PTPN12: variants seen among roughly 807,000 people sequenced by gnomAD.
PTPN12 encodes the protein tyrosine-protein phosphatase non-receptor type 12.
A neutral mutation model predicts 97.6 loss-of-function variants in PTPN12; 29 were observed. The observed-to-expected ratio is 0.30, with a 90% confidence interval of 0.22 to 0.41. The LOEUF (loss-of-function observed/expected upper bound fraction) is 0.41, where lower values mean the gene tolerates loss of function less well. PTPN12 is among the 10% of genes least tolerant of loss of function. PTPN12 has a pLI of 1.00. For missense variants in PTPN12, 819 were observed against 926.0 expected, an observed-to-expected ratio of 0.88 and a Z score of 1.50; for synonymous variants, 327 against 300.4, an observed-to-expected ratio of 1.09 and a Z score of -0.91.
At chr7:77,569,023 C>A (rs1808368010) in intron 1 of PTPN12, among the ~76,000 whole-genome samples, 1 of 152,094 alleles carries the variant, frequency 6.6e-6, no homozygotes, top group African/African-American at 2.4e-5. Context: ...ATCTTTTCTA[C>A]TGTCCTTTTT....
At chr7:77,564,348 C>T (rs1808136037) in intron 1 of PTPN12, among the ~76,000 whole-genome samples, 2 of 152,210 alleles carry the variant, frequency 1.3e-5, no homozygotes, top group Middle Eastern at 3.4e-3. Context: ...GGTTATCATG[C>T]AGTTTGTAGG....
At chr7:77,619,975 C>T (rs1788877237) in intron 12 of PTPN12, among the ~76,000 whole-genome samples, 1 of 152,202 alleles carries the variant, frequency 6.6e-6, no homozygotes, top group African/African-American at 2.4e-5. Context: ...TTTTAGCCGT[C>T]TGTGGAAGGT....
At chr7:77,564,424 A>G (rs1203019270) in intron 1 of PTPN12, among the ~76,000 whole-genome samples, 1 of 152,142 alleles carries the variant, frequency 6.6e-6, no homozygotes, top group Non-Finnish European at 1.5e-5. Context: ...TTTCAAATAT[A>G]AAGCCAGATG....
chr7:77,561,780 TTAATTTTATTTA>T (rs1175305565), intron 1 of PTPN12, among the ~76,000 whole-genome samples: 1 of 151,452 alleles, frequency 6.6e-6, no homozygotes, highest in Non-Finnish European at 1.5e-5. Flanking sequence ...AATTAATTAA[TTAATTTTATTTA>T]TTTATTTATT....
At chr7:77,607,801 T>A (rs1454701673) in intron 9 of PTPN12, among the ~76,000 whole-genome samples, 1 of 151,768 alleles carries the variant, frequency 6.6e-6, no homozygotes, top group South Asian at 2.1e-4. Context: ...TTGCCCAGGC[T>A]GGAGTGCGAT....
At chr7:77,552,679 C>T (rs976149593) in intron 1 of PTPN12, among the ~76,000 whole-genome samples, 2 of 151,982 alleles carry the variant, frequency 1.3e-5, no homozygotes, top group Non-Finnish European at 2.9e-5. Flanking sequence ...TAAAAATAGG[C>T]AGGGAAGAAA....
intron 8 of PTPN12, among the ~76,000 whole-genome samples, chr7:77,604,547 A>T (rs1788298238): frequency 6.6e-6 from 1 of 151,902 alleles, no homozygotes; most frequent in African/African-American, 2.4e-5. Context: ...TGCTTTATAT[A>T]TTGAGGACAT....
chr7:77,594,377 T>C (rs118153815), intron 6 of PTPN12, among the ~76,000 whole-genome samples: 2,786 of 152,304 alleles, frequency 0.018, 33 homozygotes, highest in Middle Eastern at 0.071. Flanking sequence ...CACTGTCTAC[T>C]TCAGTGGGGA....
intron 1 of PTPN12, chr7:77,538,097 G>C (rs1806752317): frequency 4.0e-6 from 4 of 990,964 alleles, no homozygotes; most frequent in Non-Finnish European, 3.6e-6. Context: ...AGAGGAACGG[G>C]GGTATTGAGG....
At chr7:77,613,962 G>T (rs967225309) in intron 11 of PTPN12, among the ~76,000 whole-genome samples, 1 of 152,100 alleles carries the variant, frequency 6.6e-6, no homozygotes, top group Non-Finnish European at 1.5e-5. Flanking sequence ...AACAATCAGG[G>T]CTCACTGCGC....
intron 2 of PTPN12, among the ~76,000 whole-genome samples, chr7:77,572,521 T>A (rs1021455151): frequency 1.3e-5 from 2 of 150,148 alleles, no homozygotes; most frequent in South Asian, 4.2e-4. Flanking sequence ...CTTCTTTGCC[T>A]CAATTTAATC....
At chr7:77,539,615 T>C (rs1415868945) in intron 1 of PTPN12, among the ~76,000 whole-genome samples, 1 of 152,072 alleles carries the variant, frequency 6.6e-6, no homozygotes. Context: ...GTTGTTTGGT[T>C]GGTTGGTTGG....
intron 5 of PTPN12, among the ~76,000 whole-genome samples, chr7:77,585,894 G>A (rs1035344079): frequency 5.3e-5 from 8 of 152,088 alleles, no homozygotes; most frequent in Admixed American, 6.6e-5. Context: ...TATTTATACT[G>A]TATTATAGTC....
intron 1 of PTPN12, among the ~76,000 whole-genome samples, chr7:77,557,808 A>G (rs1186833770): frequency 6.6e-6 from 1 of 152,262 alleles, no homozygotes; most frequent in Non-Finnish European, 1.5e-5. Flanking sequence ...ACAGGAAAAA[A>G]ATAATCAACC....
At chr7:77,555,088 TATG>T (rs1436928983) in intron 1 of PTPN12, among the ~76,000 whole-genome samples, 8 of 152,182 alleles carry the variant, frequency 5.3e-5, no homozygotes, top group Non-Finnish European at 1.0e-4. Flanking sequence ...TTCTTCTCAA[TATG>T]ATATTTTGTC....
intron 2 of PTPN12, among the ~76,000 whole-genome samples, chr7:77,573,114 C>A (rs1359861144): frequency 5.6e-4 from 62 of 110,046 alleles, no homozygotes; most frequent in East Asian, 1.8e-3. Flanking sequence ...ACAAAAAAAA[C>A]CAGTGTACCT....
At chr7:77,565,292 C>T (rs1045186907) in intron 1 of PTPN12, among the ~76,000 whole-genome samples, 1 of 152,166 alleles carries the variant, frequency 6.6e-6, no homozygotes. Context: ...ATTAATTTAA[C>T]GCTTGTCTGT....
intron 1 of PTPN12, among the ~76,000 whole-genome samples, chr7:77,566,159 T>C (rs1385893900): frequency 6.6e-6 from 1 of 152,158 alleles, no homozygotes; most frequent in African/African-American, 2.4e-5. Context: ...ATTTAAGAAA[T>C]GGAGGGTTAC....
intron 3 of PTPN12, among the ~76,000 whole-genome samples, chr7:77,582,195 C>T (rs577714874): frequency 6.8e-5 from 10 of 147,806 alleles, no homozygotes; most frequent in Non-Finnish European, 1.2e-4. Flanking sequence ...CCCGGGTTCA[C>T]GCCATTCTCC....
Sources: gnomAD v4.1 joint callset for allele counts (sites outside exome capture counted in the v4.1 genomes callset) on GRCh38, gnomAD v4.1.1 for gene constraint, MANE v1.5 for transcripts, NCBI Gene and HGNC (gene_info 2026-07-23, HGNC 2026-07-21) for gene names.